Variants in NAA40 observed in about 807,000 individuals in gnomAD.
NAA40 encodes the protein N-alpha-acetyltransferase 40.
A neutral mutation model predicts 36.6 loss-of-function variants in NAA40; 26 were observed. That is an observed-to-expected ratio of 0.71 (90% CI 0.52 to 0.98). The LOEUF (loss-of-function observed/expected upper bound fraction) is 0.98. Ranked by LOEUF, NAA40 falls within the 50% of genes least tolerant of loss-of-function variation. The probability of loss-of-function intolerance (pLI) is 0.00; values close to 1 mark genes in which losing one functional copy is unlikely to be tolerated. For missense variants in NAA40, 237 were observed against 306.5 expected (o/e 0.77, Z 1.69); for synonymous variants, 129 against 108.4 (o/e 1.19, Z -1.18).
chr11:63,950,275 C>T (rs912988426), intron 3 of NAA40, among the ~76,000 whole-genome samples: 7 of 151,850 alleles, frequency 4.6e-5, no homozygotes, highest in African/African-American at 7.3e-5. Flanking sequence ...CATGACATCA[C>T]GCCCTGCTAA....
chr11:63,945,731 C>A, intron 1 of NAA40, 109 bp from the exon 2 acceptor site: 1 of 955,982 alleles, frequency 1.0e-6, no homozygotes, highest in South Asian at 1.3e-5. Context: ...GGAAATTTCT[C>A]ACTGCTGGGC....
At chr11:63,952,615 TC>T in intron 5 of NAA40, 50 bp downstream of exon 5, 1 of 1,607,676 alleles carries the variant, frequency 6.2e-7, no homozygotes, top group Non-Finnish European at 8.5e-7. Context: ...CTGGCGATGT[TC>T]CAGGCACTCC....
intron 1 of NAA40, among the ~76,000 whole-genome samples, chr11:63,940,448 A>G (rs1254721318): frequency 6.6e-6 from 1 of 152,146 alleles, no homozygotes; most frequent in Non-Finnish European, 1.5e-5. Flanking sequence ...CTGGTGGTAT[A>G]ATAGTGTGCC....
chr11:63,944,219 A>G (rs1233947790), intron 1 of NAA40, among the ~76,000 whole-genome samples: 1 of 152,186 alleles, frequency 6.6e-6, no homozygotes. Context: ...CTGGTTTTTC[A>G]ACTCATGCAG....
Position 63,954,364 on chromosome 11 carries a change from G to T in NAA40, c.599G>T (p.Ser200Ile), listed in dbSNP as rs752086050. ...TTTGAAATTGATGACTCTTCCCCCA[G>T]CATGTCCGGTTGCTGTGGGGAGGAT... ...LQFEIDDSSP[S>I]MSGCCGEDCS... Residue 200 changes from serine to isoleucine, a missense_variant, in exon 8 of 8, where the codon AGC becomes ATC. By Grantham distance (142) the Ser-to-Ile change is moderately radical. Transcript: ENST00000377793. 11 of 1,604,308 alleles carry T rather than the reference G, an allele frequency of 6.9e-6. No individual in the cohort carries two copies. The South Asian group carries it at 1.1e-4, about 16-fold the overall frequency.
intron 6 of NAA40, 21 bp from the exon 7 acceptor site, chr11:63,953,951 G>C: frequency 6.2e-7 from 1 of 1,611,324 alleles, no homozygotes; most frequent in Non-Finnish European, 8.5e-7. Context: ...TCTAAAAGGC[G>C]TTTGCTCTGC....
chr11:63,955,499 C>T lies in NAA40; in HGVS notation c.*1020C>T, dbSNP rs1942348447. 1 of 152,732 alleles carries T rather than the reference C, an allele frequency of 6.5e-6. No homozygotes were observed. The highest frequency in any genetic ancestry group is 1.5e-5 in the Non-Finnish European group (1 of 68,092). The allele number at this position is 152,732 out of a possible 1,614,324, so 9.5% of individuals were successfully genotyped here. On this transcript the variant is annotated 3_prime_UTR_variant, in exon 8 of 8. Transcript: ENST00000377793. ...CTCTCTAAGGGTAGGGCACACCTCCCCACAGCCACCCTCCCTCTTCAGAGA... is the reference window on the plus strand; with the variant it reads ...CTCTCTAAGGGTAGGGCACACCTCCTCACAGCCACCCTCCCTCTTCAGAGA...
intron 3 of NAA40, among the ~76,000 whole-genome samples, chr11:63,947,754 TCTCA>T (rs1349026004): frequency 8.1e-6 from 1 of 123,460 alleles, no homozygotes; most frequent in Non-Finnish European, 1.6e-5. Flanking sequence ...TGAGACGGAG[TCTCA>T]CTCTGTCGTT....
intron 3 of NAA40, among the ~76,000 whole-genome samples, chr11:63,950,506 A>C (rs1032176801): frequency 6.6e-6 from 1 of 151,900 alleles, no homozygotes; most frequent in East Asian, 1.9e-4. Flanking sequence ...AGTCTCGCCC[A>C]GGCTGGAGTA....
intron 2 of NAA40, chr11:63,946,505 C>T: frequency 8.8e-7 from 1 of 1,136,662 alleles, no homozygotes; most frequent in Non-Finnish European, 1.1e-6. Flanking sequence ...GTGCCCAGCC[C>T]CTGCCTCCAT....
chr11:63,944,817 C>T (rs1198507844), intron 1 of NAA40, among the ~76,000 whole-genome samples: 3 of 150,736 alleles, frequency 2.0e-5, no homozygotes, highest in East Asian at 2.0e-4. Flanking sequence ...GCAGGAGAAT[C>T]GCTTGAACCC....
At chr11:63,949,744 T>G (rs797011950) in intron 3 of NAA40, among the ~76,000 whole-genome samples, 1 of 15,310 alleles carries the variant, frequency 6.5e-5, no homozygotes, top group South Asian at 0.017. Flanking sequence ...TTGCAAGCTG[T>G]TTTTTTTTTT....
chr11:63,942,349 G>T (rs1942121738), intron 1 of NAA40, among the ~76,000 whole-genome samples: 1 of 152,180 alleles, frequency 6.6e-6, no homozygotes, highest in South Asian at 2.1e-4. Context: ...AAGATCTGAG[G>T]GAGGTCTTTG....
Position 63,945,878 on chromosome 11 carries a change from G to C in NAA40, c.45G>C (p.Arg15=). 1 of 1,614,214 alleles carries C rather than the reference G, an allele frequency of 6.2e-7. No homozygotes were observed. The highest frequency in any genetic ancestry group is 8.5e-7 in the Non-Finnish European group (1 of 1,180,034). Residue 15 remains arginine, a synonymous_variant, in exon 2 of 8, where the codon CGG becomes CGC. Transcript: ENST00000377793. ...SSKAKEKKQK[R]LEERAAMDAV... ...AAGCCAAGGAGAAGAAGCAGAAGCGGTTGGAGGAGCGAGCAGCCATGGATG... is the reference window on the plus strand; with the variant it reads ...AAGCCAAGGAGAAGAAGCAGAAGCGCTTGGAGGAGCGAGCAGCCATGGATG...
chr11:63,947,037 C>T, intron 3 of NAA40, 34 bp downstream of exon 3: 1 of 1,585,244 alleles, frequency 6.3e-7, no homozygotes, highest in Non-Finnish European at 8.7e-7. Flanking sequence ...ACTGCTGTCT[C>T]CTCGAGTGTC....
intron 3 of NAA40, among the ~76,000 whole-genome samples, chr11:63,949,482 A>G (rs1041314594): frequency 6.6e-6 from 1 of 152,062 alleles, no homozygotes; most frequent in South Asian, 2.1e-4. Flanking sequence ...CCAGTTAACT[A>G]TAGGCTCTGG....
chr11:63,943,845 G>A (rs1180876083), intron 1 of NAA40, among the ~76,000 whole-genome samples: 2 of 152,276 alleles, frequency 1.3e-5, no homozygotes, highest in Non-Finnish European at 1.5e-5. Context: ...AAGGTACTTT[G>A]CAAGCTTTAT....
intron 2 of NAA40, 92 bp from the exon 3 acceptor site, chr11:63,946,859 C>T (rs1387386939): frequency 6.2e-7 from 1 of 1,607,612 alleles, no homozygotes; most frequent in Non-Finnish European, 8.5e-7. Context: ...TGGGTCCCCA[C>T]AGCATCCCAC....
At chr11:63,952,625 C>T (rs1942298505) in intron 5 of NAA40, 60 bp downstream of exon 5, 2 of 1,605,434 alleles carry the variant, frequency 1.2e-6, no homozygotes. Flanking sequence ...TCCAGGCACT[C>T]CAGCCAGGTG....
Sources: gnomAD v4.1 joint callset for allele counts (sites outside exome capture counted in the v4.1 genomes callset) on GRCh38, gnomAD v4.1.1 for gene constraint, MANE v1.5 for transcripts, NCBI Gene and HGNC (gene_info 2026-07-23, HGNC 2026-07-21) for gene names.